ANGPT1: variants seen among roughly 807,000 people sequenced by gnomAD.
The protein encoded by ANGPT1 is angiopoietin-1.
A neutral mutation model predicts 62.2 loss-of-function variants in ANGPT1; 17 were observed. That is an observed-to-expected ratio of 0.27 (90% CI 0.19 to 0.41). ANGPT1 has a LOEUF of 0.41. Among genes scored for constraint, ANGPT1 ranks in the 10% least tolerant of loss-of-function variants. The pLI is 1.00. For synonymous variants in ANGPT1, 199 were observed against 198.9 expected, an observed-to-expected ratio of 1.00 and a Z score of 0.00; for missense variants, 478 against 594.9, an observed-to-expected ratio of 0.80 and a Z score of 2.04.
intron 4 of ANGPT1, among the ~76,000 whole-genome samples, chr8:107,317,634 ATTT>A (rs34242211): frequency 1.5e-5 from 2 of 134,132 alleles, no homozygotes. Flanking sequence ...TTTTATTTTT[ATTT>A]TTTTTTTTTT....
At chr8:107,374,485 A>G (rs1816485823) in intron 1 of ANGPT1, among the ~76,000 whole-genome samples, 1 of 152,200 alleles carries the variant, frequency 6.6e-6, no homozygotes. Context: ...TGCCCAAGGC[A>G]GCCAGCCAAG....
chr8:107,251,329 A>T lies in ANGPT1; in HGVS notation c.*526T>A, dbSNP rs572012537. On this transcript the variant is annotated 3_prime_UTR_variant, in exon 9 of 9. Coordinates refer to ENST00000517746, the MANE Select transcript of ANGPT1 (RefSeq NM_001146.5). ...TCTGAAATCCATTAACATTTAACCA[A>T]CTCAGAGGACAATGCTGTTCTAAAT... is the stretch of plus-strand genomic sequence containing the variant. 6.5e-6 allele frequency: 1 copy of T among 153,650 alleles called. No individual in the cohort carries two copies. Among genetic ancestry groups the T allele is most frequent in the South Asian group, 2.0e-4 (1 of 4,918 alleles). The allele number at this position is 153,650 out of a possible 1,614,324, so 9.5% of individuals were successfully genotyped here.
intron 2 of ANGPT1, among the ~76,000 whole-genome samples, chr8:107,343,922 C>T (rs1294346127): frequency 1.3e-5 from 2 of 152,028 alleles, no homozygotes; most frequent in Non-Finnish European, 2.9e-5. Context: ...GTTAGCTGAG[C>T]ATGGTGGCAC....
chr8:107,338,549 A>C (rs1342913263), intron 2 of ANGPT1, among the ~76,000 whole-genome samples: 1 of 152,230 alleles, frequency 6.6e-6, no homozygotes, highest in Non-Finnish European at 1.5e-5. Context: ...TACAGTCATT[A>C]GTAAGGATCT....
chr8:107,290,957 T>A (rs1420412430), intron 6 of ANGPT1, among the ~76,000 whole-genome samples: 16 of 152,198 alleles, frequency 1.1e-4, no homozygotes. Flanking sequence ...AGGCAGCAGA[T>A]GTTTACAGTT....
At chr8:107,410,072 T>C (rs942059044) in intron 1 of ANGPT1, among the ~76,000 whole-genome samples, 2 of 152,154 alleles carry the variant, frequency 1.3e-5, no homozygotes, top group Non-Finnish European at 2.9e-5. Flanking sequence ...CAGGGCCAAG[T>C]GGGCCTCTTG....
Position 107,264,278 on chromosome 8 carries a change from T to C in ANGPT1, c.1279A>G (p.Thr427Ala). 1 of 1,614,076 alleles carries C rather than the reference T, an allele frequency of 6.2e-7. No homozygotes were observed. The highest frequency in any genetic ancestry group is 1.3e-5 in the African/African-American group (1 of 75,042). ...SLILHGADFS[T>A]KDADNDNCMC... is the part of the protein sequence containing the mutation. ...CAGTTGTCATTATCAGCATCTTTAGTGCTGAAATCAGCACCGTGTAAGATC... is the reference window on the plus strand; with the variant it reads ...CAGTTGTCATTATCAGCATCTTTAGCGCTGAAATCAGCACCGTGTAAGATC... Residue 427 changes from threonine (T) to alanine (A), a missense_variant, in exon 8 of 9, where the codon ACT becomes GCT. Transcript: ENST00000517746.
chr8:107,452,472 T>A (rs570365028), intron 1 of ANGPT1, among the ~76,000 whole-genome samples: 139 of 151,778 alleles, frequency 9.2e-4, no homozygotes, highest in Middle Eastern at 3.4e-3. Context: ...CCCTCCCCAC[T>A]TTTATTTCTT....
At chr8:107,364,010 C>T (rs1364533130) in intron 1 of ANGPT1, among the ~76,000 whole-genome samples, 1 of 152,162 alleles carries the variant, frequency 6.6e-6, no homozygotes, top group East Asian at 1.9e-4. Flanking sequence ...AAGTATCTTT[C>T]CTTTTAACAC....
At chr8:107,258,092 C>T (rs775428640) in intron 8 of ANGPT1, among the ~76,000 whole-genome samples, 3 of 151,686 alleles carry the variant, frequency 2.0e-5, no homozygotes, top group Non-Finnish European at 2.9e-5. Context: ...TCTCTTCTCC[C>T]TCATACTTCA....
chr8:107,382,983 C>T (rs1419961372), intron 1 of ANGPT1, among the ~76,000 whole-genome samples: 1 of 152,152 alleles, frequency 6.6e-6, no homozygotes, highest in African/African-American at 2.4e-5. Context: ...GAAGCAGGCA[C>T]TGGTATTTGC....
chr8:107,252,103 T>C, intron 8 of ANGPT1, 88 bp from the exon 9 acceptor site: 3 of 1,391,822 alleles, frequency 2.2e-6, no homozygotes, highest in South Asian at 1.3e-5. Flanking sequence ...CATTAAATGA[T>C]GGGAAACTTG....
At chr8:107,479,986 G>A (rs1812633302) in intron 1 of ANGPT1, among the ~76,000 whole-genome samples, 1 of 151,998 alleles carries the variant, frequency 6.6e-6, no homozygotes, top group Admixed American at 6.6e-5. Flanking sequence ...AATAGACAGA[G>A]GCAATAAAAA....
intron 1 of ANGPT1, among the ~76,000 whole-genome samples, chr8:107,477,305 T>G (rs1812559301): frequency 6.6e-6 from 1 of 152,134 alleles, no homozygotes; most frequent in South Asian, 2.1e-4. Flanking sequence ...GGTCACAGTT[T>G]GCACAAAGTT....
intron 1 of ANGPT1, among the ~76,000 whole-genome samples, chr8:107,422,771 C>G (rs1242179833): frequency 6.6e-6 from 1 of 152,088 alleles, no homozygotes; most frequent in African/African-American, 2.4e-5. Flanking sequence ...CAAATCGGTC[C>G]ATTAACTGCC....
At chr8:107,429,016 A>C (rs1252778363) in intron 1 of ANGPT1, among the ~76,000 whole-genome samples, 1 of 152,218 alleles carries the variant, frequency 6.6e-6, no homozygotes, top group African/African-American at 2.4e-5. Flanking sequence ...AATCATATGC[A>C]TCGGGCCATG....
In ANGPT1 at chr8:107,284,714, T is replaced by C; in HGVS notation, c.1173A>G (p.Arg391=). The C allele has an allele frequency of 1.3e-6, 2 of 1,582,866 alleles. No individual in the cohort carries two copies. Among genetic ancestry groups the C allele is most frequent in the Non-Finnish European group, 1.7e-6 (2 of 1,161,238 alleles). Residue 391 remains arginine, a synonymous_variant, in exon 7 of 9, where the codon AGA becomes AGG. Coordinates refer to ENST00000517746, the MANE Select transcript of ANGPT1 (RefSeq NM_001146.5). ...TTTGCTTTTCATTTCCTATGTGGAA[T>C]CTGTCATACTGTGAATAGGCTCGGT... The part of the protein sequence containing the change: ...EGNRAYSQYD[R]FHIGNEKQNY...
chr8:107,414,399 G>T (rs1810683165), intron 1 of ANGPT1, among the ~76,000 whole-genome samples: 1 of 152,032 alleles, frequency 6.6e-6, no homozygotes, highest in Admixed American at 6.6e-5. Flanking sequence ...ATCTGCTTTG[G>T]TCATTCCATG....
rs368913644 is a variant in ANGPT1 at position 107,293,887 on chromosome 8, T to C, written c.1038+49A>G. ...GATTCATCATATAGTATGGAGAAGATAACTTCAAGATAAAACACCAAAAAG... is the reference window on the plus strand; with the variant it reads ...GATTCATCATATAGTATGGAGAAGACAACTTCAAGATAAAACACCAAAAAG... On this transcript the variant is annotated intron_variant, in intron 6 of 8. Coordinates refer to ENST00000517746, the MANE Select transcript of ANGPT1 (RefSeq NM_001146.5). 59 of 1,458,922 alleles carry C rather than the reference T, an allele frequency of 4.0e-5. 1 individual carries two copies. In the East Asian group the frequency reaches 1.2e-3, roughly 31 times the overall value. 90.4% of individuals were successfully genotyped at this position (1,458,922 alleles called of 1,614,324 possible).
Sources: allele counts gnomAD v4.1 joint callset (sites outside exome capture counted in the v4.1 genomes callset), GRCh38; gene constraint gnomAD v4.1.1; transcripts MANE v1.5; gene names NCBI Gene and HGNC (gene_info 2026-07-23, HGNC 2026-07-21).